Variants in PPFIA2 observed in about 807,000 individuals in gnomAD.
The protein encoded by PPFIA2 is liprin-alpha-2.
PPFIA2 carries 46 observed loss-of-function variants against 175.5 expected under a neutral mutation model. That is an observed-to-expected ratio of 0.26 (90% CI 0.21 to 0.34). PPFIA2 has a LOEUF of 0.34. PPFIA2 is among the 10% of genes least tolerant of loss of function. The pLI, the probability that PPFIA2 is intolerant of heterozygous loss-of-function variation, is 1.00. For missense variants in PPFIA2, 1,179 were observed against 1,506.1 expected, an observed-to-expected ratio of 0.78 and a Z score of 3.60; for synonymous variants, 568 against 511.4, an observed-to-expected ratio of 1.11 and a Z score of -1.49.
chr12:81,401,889 A>T (rs1179906674), intron 8 of PPFIA2, among the ~76,000 whole-genome samples: 1 of 152,190 alleles, frequency 6.6e-6, no homozygotes, highest in African/African-American at 2.4e-5. Context: ...CTTCTCAATC[A>T]GTTAAATTTA....
At chr12:81,385,024 C>T (rs1017571439) in intron 8 of PPFIA2, among the ~76,000 whole-genome samples, 2 of 151,756 alleles carry the variant, frequency 1.3e-5, no homozygotes, top group Non-Finnish European at 2.9e-5. Context: ...AAAATAAATC[C>T]CCAGATAAGA....
intron 4 of PPFIA2, among the ~76,000 whole-genome samples, chr12:81,667,162 T>G (rs2070490094): frequency 6.6e-6 from 1 of 152,114 alleles, no homozygotes; most frequent in African/African-American, 2.4e-5. Flanking sequence ...TAGTGTTCTG[T>G]GCTTTTTCTC....
chr12:81,601,692 C>T (rs771066878), intron 4 of PPFIA2, among the ~76,000 whole-genome samples: 1 of 151,748 alleles, frequency 6.6e-6, no homozygotes, highest in Non-Finnish European at 1.5e-5. Flanking sequence ...CAGAGTTGTG[C>T]TAAGTTCCAT....
At chr12:81,658,530 T>A (rs1302030811) in intron 4 of PPFIA2, among the ~76,000 whole-genome samples, 6 of 152,032 alleles carry the variant, frequency 3.9e-5, no homozygotes, top group African/African-American at 1.4e-4. Flanking sequence ...CTATCTTTGA[T>A]AAAAAGTAAA....
At chr12:81,690,520 G>A (rs866553723) in intron 3 of PPFIA2, among the ~76,000 whole-genome samples, 1 of 151,988 alleles carries the variant, frequency 6.6e-6, no homozygotes, top group Non-Finnish European at 1.5e-5. Flanking sequence ...ACACACAGAG[G>A]TGACTATTCC....
chr12:81,346,217 A>G (rs1377486871), intron 18 of PPFIA2, among the ~76,000 whole-genome samples: 5 of 152,136 alleles, frequency 3.3e-5, no homozygotes, highest in Non-Finnish European at 5.9e-5. Flanking sequence ...TCAACATACT[A>G]TATTTCTAGG....
chr12:81,708,452 G>T, intron 3 of PPFIA2, among the ~76,000 whole-genome samples: 1 of 132,362 alleles, frequency 7.6e-6, no homozygotes, highest in East Asian at 2.1e-4. Flanking sequence ...CATGCAAAAA[G>T]TTTTCTTAAG....
At chr12:81,469,637 G>C (rs1439134008) in intron 4 of PPFIA2, among the ~76,000 whole-genome samples, 1 of 152,186 alleles carries the variant, frequency 6.6e-6, no homozygotes, top group Non-Finnish European at 1.5e-5. Context: ...AATACATAGA[G>C]GTAAATCTTT....
chr12:81,605,402 A>T (rs765991869), intron 4 of PPFIA2, among the ~76,000 whole-genome samples: 3 of 151,652 alleles, frequency 2.0e-5, no homozygotes, highest in Non-Finnish European at 3.0e-5. Flanking sequence ...GGGAAAGATG[A>T]AGGTGAGAGA....
chr12:81,375,843 C>A lies in PPFIA2; in HGVS notation c.1084G>T (p.Asp362Tyr). ...RESTSIHDMN[D>Y]KLENELANKE... Reference sequence around the variant, plus strand: ...TTTGCTAACTCATTTTCTAGTTTATCATTCATGTCATGTATGGAGGTAGAT... The same window carrying A: ...TTTGCTAACTCATTTTCTAGTTTATAATTCATGTCATGTATGGAGGTAGAT... The change falls in exon 10 of 33, where the codon GAT becomes TAT. Residue 362 changes from aspartate to tyrosine, a missense_variant. Coordinates refer to ENST00000549396, the MANE Select transcript of PPFIA2 (RefSeq NM_003625.5). The A allele has an allele frequency of 6.2e-7, 1 of 1,609,162 alleles. No individual in the cohort carries two copies.
intron 4 of PPFIA2, among the ~76,000 whole-genome samples, chr12:81,620,158 T>TC (rs1247576982): frequency 5.2e-5 from 1 of 19,092 alleles, no homozygotes; most frequent in Non-Finnish European, 1.2e-4. Context: ...ACACTCCTTC[T>TC]CAAAAAAAAA....
chr12:81,650,298 C>T (rs4594075), intron 4 of PPFIA2, among the ~76,000 whole-genome samples: 9,554 of 152,024 alleles, frequency 0.063, 418 homozygotes, highest in East Asian at 0.25. Flanking sequence ...CGTGAGCCAC[C>T]GAGCCCAGCA....
intron 4 of PPFIA2, among the ~76,000 whole-genome samples, chr12:81,498,685 C>T (rs960264089): frequency 2.0e-5 from 3 of 152,056 alleles, no homozygotes; most frequent in Admixed American, 6.6e-5. Context: ...AGTGCAGTGG[C>T]GTGATCTCGG....
chr12:81,443,648 C>T (rs1429224766), intron 6 of PPFIA2, among the ~76,000 whole-genome samples: 1 of 151,948 alleles, frequency 6.6e-6, no homozygotes, highest in African/African-American at 2.4e-5. Flanking sequence ...TATGGGAATG[C>T]TTATGGGACC....
chr12:81,535,260 C>T (rs2065211446), intron 4 of PPFIA2, among the ~76,000 whole-genome samples: 1 of 151,694 alleles, frequency 6.6e-6, no homozygotes, highest in African/African-American at 2.4e-5. Context: ...GACAGCAGAG[C>T]ATGCACAAGA....
chr12:81,597,223 A>G (rs1013889988), intron 4 of PPFIA2, among the ~76,000 whole-genome samples: 2 of 152,106 alleles, frequency 1.3e-5, no homozygotes, highest in Non-Finnish European at 2.9e-5. Context: ...CAATTTGAAG[A>G]TAAAAAGAAG....
At chr12:81,341,309 A>G in intron 19 of PPFIA2, 101 bp from the exon 20 acceptor site, 1 of 1,199,574 alleles carries the variant, frequency 8.3e-7, no homozygotes, top group Admixed American at 2.5e-5. Flanking sequence ...AGTAATTTTA[A>G]TACAAAATAA....
At chr12:81,269,270 GA>G (rs925164239) in intron 28 of PPFIA2, among the ~76,000 whole-genome samples, 3 of 151,742 alleles carry the variant, frequency 2.0e-5, no homozygotes, top group Admixed American at 1.3e-4. Context: ...GGGGATATGA[GA>G]AAAAAATTAA....
chr12:81,741,026 T>C (rs894600215), intron 3 of PPFIA2, among the ~76,000 whole-genome samples: 9 of 152,280 alleles, frequency 5.9e-5, no homozygotes, highest in African/African-American at 2.2e-4. Context: ...AAGAAATAAA[T>C]TCCTTAGTGA....
Sources: gnomAD v4.1 joint callset for allele counts (sites outside exome capture counted in the v4.1 genomes callset) on GRCh38, gnomAD v4.1.1 for gene constraint, MANE v1.5 for transcripts, NCBI Gene and HGNC (gene_info 2026-07-23, HGNC 2026-07-21) for gene names.